The following RIMKLB variants were observed in gnomAD, a reference collection of about 807,000 sequenced individuals.
RIMKLB encodes beta-citrylglutamate synthase B.
Under a neutral mutation model 32.0 loss-of-function variants are expected in RIMKLB, and 7 were observed. The observed-to-expected ratio is 0.22, with a 90% CI of 0.12 to 0.41. The LOEUF is 0.41. Ranked by LOEUF, RIMKLB falls within the 10% of genes least tolerant of loss-of-function variation. The pLI is 1.00. For missense variants in RIMKLB, 289 were observed against 498.7 expected, an observed-to-expected ratio of 0.58 and a Z score of 4.00; for synonymous variants, 172 against 185.1, an observed-to-expected ratio of 0.93 and a Z score of 0.57.
intron 1 of RIMKLB, among the ~76,000 whole-genome samples, chr12:8,706,444 CTTTTTTTTTTT>C (rs1199005342): frequency 1.1e-5 from 1 of 95,224 alleles, no homozygotes; most frequent in African/African-American, 4.1e-5. Flanking sequence ...CACGCCTGGA[CTTTTTTTTTTT>C]TTTTTTTTTC....
intron 2 of RIMKLB, among the ~76,000 whole-genome samples, chr12:8,731,293 T>C (rs746164430): frequency 4.1e-4 from 58 of 142,748 alleles, no homozygotes; most frequent in Middle Eastern, 4.1e-3. Flanking sequence ...AGACAGGGTT[T>C]CGCCACGTTG....
chr12:8,760,015 A>T (rs1467989708), intron 5 of RIMKLB, among the ~76,000 whole-genome samples: 1 of 152,170 alleles, frequency 6.6e-6, no homozygotes, highest in Non-Finnish European at 1.5e-5. Flanking sequence ...TTACATATGC[A>T]TACGTGTGCC....
intron 1 of RIMKLB, among the ~76,000 whole-genome samples, chr12:8,703,695 C>A (rs1467068607): frequency 6.6e-6 from 1 of 152,162 alleles, no homozygotes; most frequent in East Asian, 1.9e-4. Flanking sequence ...ACTAGGATTA[C>A]AGGTGTGAAT....
At chr12:8,693,154 C>A (rs755646869), upstream of RIMKLB, among the ~76,000 whole-genome samples, 1 of 152,148 alleles carries the variant, frequency 6.6e-6, no homozygotes, top group Non-Finnish European at 1.5e-5. Context: ...GCTTGACCTG[C>A]AACAGACAAA....
rs369976483 is a variant in RIMKLB at position 8,742,514 on chromosome 12, C to T, written c.176-7348C>T. The T allele has an allele frequency of 1.5e-5, 6 of 399,098 alleles. No individual in the cohort carries two copies. In the East Asian group the frequency reaches 3.0e-4, roughly 20 times the overall value. The allele number at this position is 399,098 out of a possible 1,614,324, so 24.7% of individuals were successfully genotyped here. A position where few individuals can be genotyped will look rare whatever the true frequency, so the allele number is the denominator to read the frequency against. On this transcript the variant is annotated intron_variant, in intron 2 of 5. Coordinates refer to ENST00000535829, the MANE Select transcript of RIMKLB (RefSeq NM_001297776.2). ...TTGCAGCAGGAACCCACTTAGGGGG[C>T]ACCACCCTTCACTTTCAGATGGAAT...
At chr12:8,777,215 CTTTTTTT>C (rs35828763), downstream of RIMKLB, 2,197 of 703,798 alleles carry the variant, frequency 3.1e-3, 1 homozygote, top group Admixed American at 9.2e-3. Context: ...TGCTTGCTTT[CTTTTTTT>C]TTTTTTTTTT....
At chr12:8,711,347 TATG>T (rs201871785) in intron 1 of RIMKLB, among the ~76,000 whole-genome samples, 1,946 of 151,256 alleles carry the variant, frequency 0.013, 37 homozygotes, top group African/African-American at 0.046. Context: ...TGCAATGGGC[TATG>T]ATTGCACCAC....
downstream of RIMKLB, among the ~76,000 whole-genome samples, chr12:8,781,689 G>T (rs967607448): frequency 6.6e-6 from 1 of 152,028 alleles, no homozygotes; most frequent in African/African-American, 2.4e-5. Context: ...TTCCATCTCT[G>T]CCTGCCTGTT....
chr12:8,675,161 C>A, the RIMKLB span, among the ~76,000 whole-genome samples: 1 of 152,188 alleles, frequency 6.6e-6, no homozygotes, highest in Non-Finnish European at 1.5e-5. Flanking sequence ...ACACCTGGCC[C>A]TTTTCTCACA....
chr12:8,775,760 T>C lies in RIMKLB; in HGVS notation c.*1976T>C. 3 of 985,350 alleles carry C rather than the reference T, an allele frequency of 3.0e-6. No homozygotes were observed. The highest frequency in any genetic ancestry group is 3.6e-6 in the Non-Finnish European group (3 of 829,540). The allele number at this position is 985,350 out of a possible 1,614,324, so 61.0% of individuals were successfully genotyped here. ...GATTGTTGATGAATAGAATAGTACCTCTCATCTGTGCAGTGTCTCATTTCA... is the reference window on the plus strand; with the variant it reads ...GATTGTTGATGAATAGAATAGTACCCCTCATCTGTGCAGTGTCTCATTTCA... On this transcript the variant is annotated 3_prime_UTR_variant, in exon 6 of 6. Coordinates refer to ENST00000535829, the MANE Select transcript of RIMKLB (RefSeq NM_001297776.2).
chr12:8,743,385 A>G (rs1168938382), intron 2 of RIMKLB, among the ~76,000 whole-genome samples: 1 of 149,746 alleles, frequency 6.7e-6, no homozygotes, highest in African/African-American at 2.5e-5. Context: ...AAATTCCGGA[A>G]GTCCTAAAAA....
intron 5 of RIMKLB, among the ~76,000 whole-genome samples, chr12:8,759,710 A>G (rs976281419): frequency 2.0e-5 from 3 of 152,162 alleles, no homozygotes; most frequent in Non-Finnish European, 4.4e-5. Flanking sequence ...ATGCCACCAT[A>G]CAATTTCCAG....
At chr12:8,732,120 G>A (rs140849455) in intron 2 of RIMKLB, among the ~76,000 whole-genome samples, 2 of 152,044 alleles carry the variant, frequency 1.3e-5, no homozygotes, top group African/African-American at 4.8e-5. Context: ...TTGTGGACTG[G>A]AGCTTGAGAC....
chr12:8,721,810 C>G (rs895574721), intron 2 of RIMKLB, among the ~76,000 whole-genome samples: 1 of 152,130 alleles, frequency 6.6e-6, no homozygotes, highest in Non-Finnish European at 1.5e-5. Flanking sequence ...GTGGCACGAT[C>G]TTGGCTCACT....
chr12:8,687,675 T>C (rs1942614799), intron 1 of RIMKLB, among the ~76,000 whole-genome samples: 1 of 151,988 alleles, frequency 6.6e-6, no homozygotes, highest in African/African-American at 2.4e-5. Flanking sequence ...CTTTCTGCTT[T>C]CTCCCTAAGC....
intron 1 of RIMKLB, chr12:8,700,004 A>G (rs183546790): frequency 6.6e-6 from 1 of 152,342 alleles, no homozygotes; most frequent in Admixed American, 6.5e-5. Flanking sequence ...TCTAGTGGAT[A>G]GCTTTCTTAT....
intron 2 of RIMKLB, chr12:8,742,386 C>G: frequency 4.0e-6 from 1 of 246,966 alleles, no homozygotes; most frequent in Non-Finnish European, 7.8e-6. Context: ...AGGGAGGGGT[C>G]CATGTGGCCT....
At chr12:8,697,118 ACT>A (rs1430859901), upstream of RIMKLB, 1 of 152,124 alleles carries the variant, frequency 6.6e-6, no homozygotes, top group Non-Finnish European at 1.5e-5. Context: ...TCCGGACTGT[ACT>A]CTTTTATCTT....
chr12:8,685,932 C>T lies in RIMKLB; in HGVS notation n.219+4114C>T, dbSNP rs992135508. 3.3e-5 allele frequency among the ~76,000 whole-genome samples: 5 copies of T among 152,150 alleles called. No homozygotes were observed. The South Asian group carries it at 6.2e-4, about 19-fold the overall frequency. ...CAGCGATTCTCCTGCCTCGGCCTCC[C>T]GAGTAGCTGGGACTACAAGCGCCCA... On this transcript the variant is annotated intron_variant and non_coding_transcript_variant, in intron 1 of 1. Coordinates refer to the RIMKLB transcript ENST00000538758.
Sources: allele counts gnomAD v4.1 joint callset (sites outside exome capture counted in the v4.1 genomes callset), GRCh38; gene constraint gnomAD v4.1.1; transcripts MANE v1.5; gene names NCBI Gene and HGNC (gene_info 2026-07-23, HGNC 2026-07-21).